MDN1: variants seen among roughly 807,000 people sequenced by gnomAD.
The protein encoded by MDN1 is midasin AAA ATPase 1.
In MDN1, 266 loss-of-function variants were observed where a neutral mutation model predicts 669.2. The ratio of observed to expected loss-of-function variants is 0.40; its 90% CI spans 0.36 to 0.44. The LOEUF (loss-of-function observed/expected upper bound fraction) is 0.44. Among genes scored for constraint, MDN1 ranks in the 20% least tolerant of loss-of-function variants. The pLI, the probability that MDN1 is intolerant of heterozygous loss-of-function variation, is 1.00. For missense variants in MDN1, 5,940 were observed against 6,754.0 expected (o/e 0.88, Z 4.22); for synonymous variants, 2,385 against 2,457.1 (o/e 0.97, Z 0.87).
Position 89,725,242 on chromosome 6 carries a change from C to T in MDN1, c.5627G>A (p.Gly1876Glu). The T allele has an allele frequency of 6.2e-7, 1 of 1,614,042 alleles. No individual in the cohort carries two copies. Among genetic ancestry groups the T allele is most frequent in the Non-Finnish European group, 8.5e-7 (1 of 1,179,960 alleles). ...GAAAGACCTGGGCAAGCCTTTCCTC[C>T]CACCTCCTTGTCTAAAGGGATTCTG... ...GCQNPFRQGG[G>E]RKGLPRSFLN... The change falls in exon 38 of 102, where the codon GGG (glycine) becomes GAG (glutamate). Residue 1876 changes from glycine (G) to glutamate (E), a missense_variant. Gly to Glu is a moderately conservative substitution (Grantham distance 98). Around this residue, in one of 5 missense-constraint regions of MDN1, gnomAD observed 2,292 missense variants for 2,638.3 expected, o/e 0.87. Transcript: ENST00000369393.
intron 1 of MDN1, chr6:89,815,063 A>G: frequency 2.1e-6 from 1 of 478,132 alleles, no homozygotes; most frequent in South Asian, 1.8e-5. Context: ...AAGGGAGAGC[A>G]GTGTCTCCCC....
Position 89,732,783 on chromosome 6 carries a change from C to A in MDN1, c.4724-8G>T, listed in dbSNP as rs1376407134. ...CTTCAGGTATGTCAGACCCTAAACA[C>A]AAGAAACAAAAAAAGCATTTGCTGT... On this transcript the variant is annotated splice_polypyrimidine_tract_variant and splice_region_variant and intron_variant, in intron 33 of 101. Coordinates refer to ENST00000369393, the MANE Select transcript of MDN1 (RefSeq NM_014611.3). 2.3e-5 allele frequency: 37 copies of A among 1,605,968 alleles called. No homozygotes were observed. In the Admixed American group the frequency reaches 2.6e-4, roughly 11 times the overall value.
chr6:89,646,705 A>C (rs184665937), intron 99 of MDN1, 102 bp from the exon 100 acceptor site: 1 of 1,004,922 alleles, frequency 1.0e-6, no homozygotes, highest in East Asian at 2.5e-5. Context: ...ATTATCAGAT[A>C]ACCACCTCAG....
rs371079312 is a variant in MDN1 at position 89,656,652 on chromosome 6, T to C, written c.15285+48A>G. 2.8e-6 allele frequency: 4 copies of C among 1,412,400 alleles called. No homozygotes were observed. The African/African-American group carries it at 4.3e-5, about 15-fold the overall frequency. 87.5% of individuals were successfully genotyped at this position (1,412,400 alleles called of 1,614,324 possible). On this transcript the variant is annotated intron_variant, in intron 91 of 101. Transcript: ENST00000369393. ...TAAAGCACTACGTTTGGAACATCTT[T>C]TTCTACATGCTGCCTTCACCTAAGT...
At chr6:89,688,291 T>TG in intron 66 of MDN1, 118 bp from the exon 67 acceptor site, 2 of 937,202 alleles carry the variant, frequency 2.1e-6, no homozygotes, top group Admixed American at 2.5e-5. Context: ...AAAACACCTC[T>TG]GAAAAAAAAA....
In MDN1 at chr6:89,695,790, G is replaced by A; in HGVS notation, c.9586C>T (p.Gln3196Ter). The change falls in exon 61 of 102, where the codon CAG becomes TAG. Residue 3196 changes from glutamine to a stop codon, truncating the protein, a stop_gained. Coordinates refer to ENST00000369393, the MANE Select transcript of MDN1 (RefSeq NM_014611.3). LOFTEE classifies it high-confidence loss of function. The surrounding 1 kb of genome is among the most constrained non-coding windows in gnomAD (Gnocchi z 4.1). Reference protein sequence around the residue: ...QEVLPKELLCQLLTSLHHFVG... With the variant: ...QEVLPKELLC Reference sequence around the variant, plus strand: ...AAGTGGTGCAGGGAGGTGAGCAACTGGCAGAGCAGTTCCTTGGGCAGCACC... The same window carrying A: ...AAGTGGTGCAGGGAGGTGAGCAACTAGCAGAGCAGTTCCTTGGGCAGCACC... The A allele has an allele frequency of 1.2e-6, 2 of 1,613,634 alleles. No individual in the cohort carries two copies. Among genetic ancestry groups the A allele is most frequent in the Non-Finnish European group, 1.7e-6 (2 of 1,179,956 alleles).
chr6:89,732,685 A>C lies in MDN1; in HGVS notation c.4814T>G (p.Ile1605Ser). 14 of 1,614,034 alleles carry C rather than the reference A, an allele frequency of 8.7e-6. No homozygotes were observed. The highest frequency in any genetic ancestry group is 1.2e-5 in the Non-Finnish European group (14 of 1,179,992). The change falls in exon 34 of 102, where the codon ATC (isoleucine) becomes AGC (serine). Residue 1605 changes from isoleucine to serine, a missense_variant. This residue lies in a region of MDN1 where 2,292 missense variants were observed against 2,638.3 expected (regional missense o/e 0.87). Transcript: ENST00000369393. ...GTTCATGAAGTTAACCCAGGACAGG[A>C]TATCTCTGATACTGACCACACACTT... is the stretch of plus-strand genomic sequence containing the variant. ...GRKCVVSIRD[I>S]LSWVNFMNKM...
intron 20 of MDN1, among the ~76,000 whole-genome samples, chr6:89,755,059 T>C (rs1817170253): frequency 6.6e-6 from 1 of 150,590 alleles, no homozygotes; most frequent in South Asian, 2.1e-4. Context: ...AATTTTATCC[T>C]TTATCTACCT....
chr6:89,768,836 C>A (rs1817939020), intron 15 of MDN1, among the ~76,000 whole-genome samples: 1 of 152,000 alleles, frequency 6.6e-6, no homozygotes, highest in Non-Finnish European at 1.5e-5. Context: ...CGGGAAGATT[C>A]CTTGAGTTCA....
At chr6:89,790,454 C>A (rs1819200022) in intron 5 of MDN1, 53 bp from the exon 6 acceptor site, 3 of 1,609,178 alleles carry the variant, frequency 1.9e-6, no homozygotes, top group East Asian at 4.5e-5. Flanking sequence ...CCCAAGGAAC[C>A]GAAGTTAATT....
At position 89,754,206 on chromosome 6, in the gene MDN1, C is replaced by T; in HGVS notation, c.2841G>A (p.Glu947=). The change falls in exon 21 of 102, where the codon GAG becomes GAA. Residue 947 remains glutamate, a synonymous_variant. Transcript: ENST00000369393. The part of the protein sequence containing the change: ...IINFYTALRK[E]SGTKLVDGTG... ...TGCCATCCACCAGTTTGGTCCCAGA[C>T]TCTTTCCGCAAAGCTGTGTAGAAGC... 1.2e-6 allele frequency: 2 copies of T among 1,613,980 alleles called. No homozygotes were observed. The highest frequency in any genetic ancestry group is 1.7e-6 in the Non-Finnish European group (2 of 1,179,892).
At chr6:89,808,060 G>C (rs1052876830) in intron 1 of MDN1, among the ~76,000 whole-genome samples, 1 of 150,980 alleles carries the variant, frequency 6.6e-6, no homozygotes, top group African/African-American at 2.4e-5. Context: ...GGCCTCAAGT[G>C]GTTCCTCTTG....
At chr6:89,726,013 G>T (rs1051028956) in intron 37 of MDN1, among the ~76,000 whole-genome samples, 2 of 151,248 alleles carry the variant, frequency 1.3e-5, no homozygotes, top group African/African-American at 2.4e-5. Flanking sequence ...CTGAATAAAT[G>T]CTCAAATTAA....
chr6:89,808,507 A>C (rs890859997), intron 1 of MDN1, among the ~76,000 whole-genome samples: 3 of 152,174 alleles, frequency 2.0e-5, no homozygotes, highest in African/African-American at 7.2e-5. Context: ...TCTCCTACAC[A>C]GAAAAACTCC....
chr6:89,673,953 C>G, intron 79 of MDN1, 151 bp downstream of exon 79: 1 of 695,494 alleles, frequency 1.4e-6, no homozygotes, highest in Non-Finnish European at 2.3e-6. Flanking sequence ...CCCACCCCAC[C>G]CCATCCCCCA....
chr6:89,764,025 G>C (rs1244207972), intron 15 of MDN1, among the ~76,000 whole-genome samples: 1 of 152,062 alleles, frequency 6.6e-6, no homozygotes, highest in Non-Finnish European at 1.5e-5. Flanking sequence ...GACCAGATTG[G>C]GTAACAAAGC....
rs770749199 is a variant in MDN1, at chr6:89,716,752, G to A, written c.6641C>T (p.Ala2214Val). The change falls in exon 44 of 102, where the codon GCC (alanine) becomes GTC (valine). Residue 2214 changes from alanine to valine, a missense_variant. By Grantham distance (64) the Ala-to-Val change is moderately conservative (BLOSUM62 0). Coordinates refer to ENST00000369393, the MANE Select transcript of MDN1 (RefSeq NM_014611.3). The part of the protein sequence containing the change: ...RSFGVKLTQL[A>V]SGHSHGTFEW... ...AAATGTGCCATGGCTATGGCCACTG[G>A]CCAACTGCGTAAGCTTCACACCAAA... 1 of 1,613,822 alleles carries A rather than the reference G, an allele frequency of 6.2e-7. No homozygotes were observed. Among genetic ancestry groups the A allele is most frequent in the Non-Finnish European group, 8.5e-7 (1 of 1,179,870 alleles).
chr6:89,677,477 C>A, intron 76 of MDN1, 93 bp downstream of exon 76: 1 of 1,501,882 alleles, frequency 6.7e-7, no homozygotes, highest in Non-Finnish European at 9.1e-7. Flanking sequence ...GTATTGCTAT[C>A]CCTATTTTTG....
Position 89,644,057 on chromosome 6 carries a change from C to G in MDN1, c.16739G>C (p.Ser5580Thr). 2 of 1,614,030 alleles carry G rather than the reference C, an allele frequency of 1.2e-6. No individual in the cohort carries two copies. Among genetic ancestry groups the G allele is most frequent in the East Asian group, 2.2e-5 (1 of 44,884 alleles). ...CTCAAACCACTGTCTGAGGGCATCG[C>G]TGAGTGTCTCAGGAAGTGCGTTTAC... ...RDVNALPETLSDALRQWFELV... is the reference protein window; with the variant it reads ...RDVNALPETLTDALRQWFELV... The change falls in exon 102 of 102, where the codon AGC becomes ACC. Residue 5580 changes from serine (S) to threonine (T), a missense_variant. Physicochemically the swap from Ser to Thr is moderately conservative, Grantham distance 58. This residue lies in a region of MDN1 where 2,280 missense variants were observed against 2,576.3 expected (regional missense o/e 0.88). Transcript: ENST00000369393.
Sources: gnomAD v4.1 joint callset for allele counts (sites outside exome capture counted in the v4.1 genomes callset) on GRCh38, gnomAD v4.1.1 for gene constraint, gnomAD v4.1.1 regional missense constraint, Gnocchi (gnomAD v3.1) non-coding constraint, MANE v1.5 for transcripts, NCBI Gene and HGNC (gene_info 2026-07-23, HGNC 2026-07-21) for gene names.